STRN: variants seen among roughly 807,000 people sequenced by gnomAD.
The protein encoded by STRN is protein phosphatase 2 regulatory subunit B'''alpha.
In STRN, 53 loss-of-function variants were observed where a neutral mutation model predicts 96.3. The observed-to-expected ratio is 0.55, with a 90% confidence interval of 0.44 to 0.69. STRN has a LOEUF of 0.69. STRN is among the 30% of genes least tolerant of loss of function. STRN has a pLI of 0.00. For missense variants in STRN, 987 were observed against 963.9 expected (o/e 1.02, Z -0.32); for synonymous variants, 428 against 355.9 (o/e 1.20, Z -2.28).
intron 1 of STRN, among the ~76,000 whole-genome samples, chr2:36,948,081 C>CTTTTTTTTTTTTTTTTT (rs553351693): frequency 2.9e-5 from 2 of 68,138 alleles, no homozygotes; most frequent in African/African-American, 6.3e-5. Flanking sequence ...TCAGTGCACT[C>CTTTTTTTTTTTTTTTTT]TTTTTTTTTT....
chr2:36,904,842 A>C (rs996108341), intron 4 of STRN, among the ~76,000 whole-genome samples: 30 of 151,052 alleles, frequency 2.0e-4, no homozygotes, highest in African/African-American at 6.1e-4. Context: ...GAATGACTGA[A>C]TGAATGAATG....
In STRN at chr2:36,846,916, A is replaced by C. The variant is rs1668092256; in HGVS notation, c.*2540T>G. On this transcript the variant is annotated 3_prime_UTR_variant, in exon 18 of 18. Transcript: ENST00000263918. ...ATACTATTCCAATACATTTCAAACA[A>C]AATATTTACAAATGAAGCACTATGA... The C allele has an allele frequency of 6.6e-6, 1 of 152,180 alleles. No homozygotes were observed. The highest frequency in any genetic ancestry group is 2.4e-5 in the African/African-American group (1 of 41,460). The allele number at this position is 152,180 out of a possible 1,614,324, so 9.4% of individuals were successfully genotyped here. A position where few individuals can be genotyped will look rare whatever the true frequency, so the allele number is the denominator to read the frequency against.
chr2:36,883,640 T>A (rs1006467006), intron 9 of STRN, among the ~76,000 whole-genome samples: 1 of 152,212 alleles, frequency 6.6e-6, no homozygotes, highest in Non-Finnish European at 1.5e-5. Flanking sequence ...GACTGCTAAT[T>A]TTTCCAATGT....
chr2:36,944,093 C>A (rs1185381258), intron 1 of STRN, among the ~76,000 whole-genome samples: 1 of 152,096 alleles, frequency 6.6e-6, no homozygotes, highest in Non-Finnish European at 1.5e-5. Flanking sequence ...GCACTCCAAC[C>A]TGGGCAACAA....
chr2:36,908,017 G>A (rs1669867147), intron 3 of STRN, among the ~76,000 whole-genome samples: 1 of 151,994 alleles, frequency 6.6e-6, no homozygotes, highest in African/African-American at 2.4e-5. Flanking sequence ...AAAAAGAAGG[G>A]AGCAAAAACG....
chr2:36,942,527 T>A (rs1670871175), intron 1 of STRN, among the ~76,000 whole-genome samples: 1 of 152,170 alleles, frequency 6.6e-6, no homozygotes, highest in Admixed American at 6.5e-5. Flanking sequence ...AGAATTTTAA[T>A]GCTTTTTAAA....
chr2:36,934,364 A>G lies in STRN; in HGVS notation c.235-9156T>C, dbSNP rs1383825601. On this transcript the variant is annotated intron_variant, in intron 1 of 17. Coordinates refer to ENST00000263918, the MANE Select transcript of STRN (RefSeq NM_003162.4). ...CTTGTAGAATATGCGTACATGTAAG[A>G]AACATAACATTACTCTCAATGGAAA... Among the ~76,000 whole-genome samples, 7 of 152,338 alleles carry G rather than the reference A, an allele frequency of 4.6e-5. No homozygotes were observed. The East Asian group carries it at 1.4e-3, about 29-fold the overall frequency.
chr2:36,877,821 C>T, intron 10 of STRN, 70 bp downstream of exon 10: 1 of 1,577,098 alleles, frequency 6.3e-7, no homozygotes, highest in Non-Finnish European at 8.6e-7. Flanking sequence ...AGGCGTGAGC[C>T]ACCGCACCCA....
chr2:36,931,482 C>T (rs1670573207), intron 1 of STRN, among the ~76,000 whole-genome samples: 2 of 152,150 alleles, frequency 1.3e-5, no homozygotes, highest in East Asian at 3.9e-4. Context: ...AAAGATAGTG[C>T]AGTACTAATA....
At chr2:36,852,884 C>T (rs772085250) in intron 15 of STRN, among the ~76,000 whole-genome samples, 17 of 152,176 alleles carry the variant, frequency 1.1e-4, no homozygotes, top group East Asian at 9.6e-4. Flanking sequence ...TGGCTGGGCA[C>T]GGTAGCTCAC....
chr2:36,841,257 G>A lies in STRN; in HGVS notation c.*8199C>T, dbSNP rs1667944451. ...GACCAAAAAGAAAGTAAGTCTGAAT[G>A]TTTCAGAGTTGGGAGAAAGCCTGAT... On this transcript the variant is annotated 3_prime_UTR_variant, in exon 18 of 18. Transcript: ENST00000263918. 6.6e-6 allele frequency: 1 copy of A among 151,158 alleles called. No homozygotes were observed. Among genetic ancestry groups the A allele is most frequent in the African/African-American group, 2.4e-5 (1 of 41,032 alleles). 9.4% of individuals were successfully genotyped at this position (151,158 alleles called of 1,614,324 possible).
rs1172496771 is a variant in STRN at position 36,844,000 on chromosome 2, C to G, written c.*5456G>C. ...ATCAAACAATCTGGCCCAGGGCTCA[C>G]CAGCTGGAGGACTGGGTGTGGAGAG... On this transcript the variant is annotated 3_prime_UTR_variant, in exon 18 of 18. Transcript: ENST00000263918. 6.6e-6 allele frequency: 1 copy of G among 152,070 alleles called. No homozygotes were observed. Among genetic ancestry groups the G allele is most frequent in the African/African-American group, 2.4e-5 (1 of 41,394 alleles). The allele number at this position is 152,070 out of a possible 1,614,324, so 9.4% of individuals were successfully genotyped here.
At chr2:36,908,093 C>A (rs1669869672) in intron 3 of STRN, among the ~76,000 whole-genome samples, 1 of 152,172 alleles carries the variant, frequency 6.6e-6, no homozygotes, top group Non-Finnish European at 1.5e-5. Context: ...AGGATCTGTG[C>A]AGGTAACATA....
intron 1 of STRN, among the ~76,000 whole-genome samples, chr2:36,954,121 T>A (rs1664823537): frequency 6.6e-6 from 1 of 152,132 alleles, no homozygotes; most frequent in African/African-American, 2.4e-5. Context: ...CTTTGCTATA[T>A]CAAAGATCAC....
chr2:36,879,369 G>A (rs1275378833), intron 9 of STRN, among the ~76,000 whole-genome samples: 1 of 152,126 alleles, frequency 6.6e-6, no homozygotes, highest in African/African-American at 2.4e-5. Context: ...CACGCCCAGC[G>A]AGAAAATTTT....
At chr2:36,901,941 T>A (rs189195377) in intron 5 of STRN, among the ~76,000 whole-genome samples, 13 of 152,320 alleles carry the variant, frequency 8.5e-5, no homozygotes, top group Admixed American at 2.6e-4. Flanking sequence ...TACTTAAACA[T>A]TCACAGAATT....
chr2:36,851,823 T>C (rs1668229052), intron 15 of STRN, among the ~76,000 whole-genome samples: 1 of 152,208 alleles, frequency 6.6e-6, no homozygotes, highest in Admixed American at 6.5e-5. Context: ...TCTAAAGATA[T>C]ATATGACAAA....
At chr2:36,886,690 T>C in intron 8 of STRN, 26 bp downstream of exon 8, 1 of 1,564,874 alleles carries the variant, frequency 6.4e-7, no homozygotes, top group Non-Finnish European at 8.7e-7. Context: ...GATTTATGAT[T>C]TACAGATACA....
At chr2:36,882,247 CAATA>C (rs546169210) in intron 9 of STRN, among the ~76,000 whole-genome samples, 2 of 151,336 alleles carry the variant, frequency 1.3e-5, no homozygotes, top group Non-Finnish European at 2.9e-5. Context: ...CTGTGTTGAT[CAATA>C]AATAATAATT....
Sources: allele counts gnomAD v4.1 joint callset (sites outside exome capture counted in the v4.1 genomes callset), GRCh38; gene constraint gnomAD v4.1.1; transcripts MANE v1.5; gene names NCBI Gene and HGNC (gene_info 2026-07-23, HGNC 2026-07-21).